NRXN1: variants seen among roughly 807,000 people sequenced by gnomAD.
The protein encoded by NRXN1 is neurexin 1.
In NRXN1, 39 loss-of-function variants were observed where a neutral mutation model predicts 150.9. The ratio of observed to expected loss-of-function variants is 0.26; its 90% CI spans 0.20 to 0.34. The LOEUF (loss-of-function observed/expected upper bound fraction) is 0.34. NRXN1 is among the 10% of genes least tolerant of loss of function. NRXN1 has a pLI of 1.00. For synonymous variants in NRXN1, 924 were observed against 757.0 expected, an observed-to-expected ratio of 1.22 and a Z score of -3.62; for missense variants, 1,815 against 1,949.9, an observed-to-expected ratio of 0.93 and a Z score of 1.30.
Position 50,447,972 on chromosome 2 carries a change from T to C in NRXN1, c.3364+17470A>G, listed in dbSNP as rs115559191. On this transcript the variant is annotated intron_variant, in intron 17 of 22. Coordinates refer to ENST00000401669, the MANE Select transcript of NRXN1 (RefSeq NM_001330078.2). Reference sequence around the variant, plus strand: ...AGCAAGTAAAGTGTATCGTAAAATATACTGTGTTCATTTATTGTGACAACT... The same window carrying C: ...AGCAAGTAAAGTGTATCGTAAAATACACTGTGTTCATTTATTGTGACAACT... Among the ~76,000 whole-genome samples, 695 of 151,754 alleles carry C rather than the reference T, an allele frequency of 4.6e-3. 2 individuals are homozygous for C. Among genetic ancestry groups the C allele is most frequent in the Non-Finnish European group, 7.2e-3 (490 of 67,960 alleles).
rs1670775186 is a variant in NRXN1, at chr2:51,027,731, C to T, written c.543G>A (p.Lys181=). The change falls in exon 2 of 23, where the codon AAG becomes AAA. Residue 181 remains lysine (K), a synonymous_variant. Coordinates refer to ENST00000401669, the MANE Select transcript of NRXN1 (RefSeq NM_001330078.2). ...LASVREREPF[K]GWIRDVRVNS... is the part of the protein sequence containing the mutation. ...TGACCCTCACGTCACGAATCCACCC[C>T]TTGAAGGGCTCCCGCTCCCTCACCG... 2.5e-6 allele frequency: 4 copies of T among 1,611,168 alleles called. No homozygotes were observed. The highest frequency in any genetic ancestry group is 1.1e-5 in the South Asian group (1 of 90,600).
At chr2:50,884,010 T>A (rs193090636) in intron 5 of NRXN1, among the ~76,000 whole-genome samples, 1 of 151,776 alleles carries the variant, frequency 6.6e-6, no homozygotes, top group Non-Finnish European at 1.5e-5. Context: ...TGCACTGAGT[T>A]TGTGAAAATT....
At chr2:50,501,152 G>A (rs2091918156) in intron 13 of NRXN1, among the ~76,000 whole-genome samples, 1 of 152,182 alleles carries the variant, frequency 6.6e-6, no homozygotes, top group African/African-American at 2.4e-5. Context: ...AGAAAGCCCT[G>A]TTAAGAATTG....
intron 18 of NRXN1, among the ~76,000 whole-genome samples, chr2:50,095,094 C>T (rs1530917): frequency 0.81 from 123,786 of 152,182 alleles, 50,846 homozygotes; most frequent in African/African-American, 0.93. Context: ...AACAATCGTG[C>T]TCCTCCCAGT....
rs1679039362 is a variant in NRXN1, at chr2:49,976,620, A to C, written c.4129-32829T>G. Among the ~76,000 whole-genome samples the C allele has an allele frequency of 2.0e-5, 3 of 152,156 alleles. No homozygotes were observed. In the South Asian group the frequency reaches 6.2e-4, roughly 32 times the overall value. The stretch of plus-strand genomic sequence containing the variant: ...AAGGACATGTGGCCTGCTTTTTTTC[A>C]TGTAAAGAAAATAGTGTAGGTGTGG... On this transcript the variant is annotated intron_variant, in intron 21 of 22. Coordinates refer to ENST00000401669, the MANE Select transcript of NRXN1 (RefSeq NM_001330078.2).
At chr2:50,134,520 G>A (rs1041022774) in intron 18 of NRXN1, among the ~76,000 whole-genome samples, 1 of 152,242 alleles carries the variant, frequency 6.6e-6, no homozygotes, top group African/African-American at 2.4e-5. Context: ...TTGGGAAGAT[G>A]TTTGATACAA....
chr2:50,552,960 C>G lies in NRXN1; in HGVS notation c.1386G>C (p.Lys462Asn). 1 of 1,613,740 alleles carries G rather than the reference C, an allele frequency of 6.2e-7. No homozygotes were observed. The highest frequency in any genetic ancestry group is 8.5e-7 in the Non-Finnish European group (1 of 1,179,736). Residue 462 changes from lysine to asparagine, a missense_variant, in exon 9 of 23, where the codon AAG (lysine) becomes AAC (asparagine). Lys to Asn is a moderately conservative substitution (Grantham distance 94). Around this residue, in one of 6 missense-constraint regions of NRXN1, gnomAD observed 638 missense variants for 652.6 expected, o/e 0.98. Coordinates refer to ENST00000401669, the MANE Select transcript of NRXN1 (RefSeq NM_001330078.2). ...LSRLAKQGDP[K>N]MKIHGVVAFK... is the part of the protein sequence containing the mutation. ...ATGCCACCACTCCATGGATCTTCAT[C>G]TTAGGATCTCCTTGCTTGGCAAGTC...
At chr2:50,922,128 G>C (rs1020149681) in intron 4 of NRXN1, among the ~76,000 whole-genome samples, 3 of 151,816 alleles carry the variant, frequency 2.0e-5, no homozygotes, top group African/African-American at 7.2e-5. Flanking sequence ...AGTTTTAAAA[G>C]ATCACACAAA....
At position 50,346,755 on chromosome 2, in the gene NRXN1, G is replaced by A; in HGVS notation, c.3365-109785C>T. On this transcript the variant is annotated intron_variant, in intron 17 of 22. Transcript: ENST00000401669. The surrounding 1 kb of genome is among the most constrained non-coding windows in gnomAD (Gnocchi z 5.0). ...CAATAGGCACTGAATGATGCTTGCT[G>A]CTGCCATGGAAATGGTGGATGTGGT... is the stretch of plus-strand genomic sequence containing the variant. 1 of 1,613,920 alleles carries A rather than the reference G, an allele frequency of 6.2e-7. No individual in the cohort carries two copies. Among genetic ancestry groups the A allele is most frequent in the Non-Finnish European group, 8.5e-7 (1 of 1,179,960 alleles).
At chr2:50,902,199 A>T (rs1403192648) in intron 5 of NRXN1, among the ~76,000 whole-genome samples, 1 of 152,208 alleles carries the variant, frequency 6.6e-6, no homozygotes, top group African/African-American at 2.4e-5. Context: ...AATATTCTTT[A>T]ACCAGGGCAA....
At chr2:50,645,582 A>C (rs1442371370) in intron 5 of NRXN1, among the ~76,000 whole-genome samples, 2 of 151,990 alleles carry the variant, frequency 1.3e-5, no homozygotes, top group Non-Finnish European at 2.9e-5. Context: ...ACTGCATCCC[A>C]GGGACTGGGA....
intron 21 of NRXN1, among the ~76,000 whole-genome samples, chr2:49,985,762 C>A (rs564642303): frequency 6.6e-6 from 1 of 152,084 alleles, no homozygotes; most frequent in Non-Finnish European, 1.5e-5. Flanking sequence ...TACTGTCATG[C>A]AAATGAGTGA....
chr2:50,905,635 T>G (rs1282459470), intron 5 of NRXN1, among the ~76,000 whole-genome samples: 1 of 152,092 alleles, frequency 6.6e-6, no homozygotes, highest in Admixed American at 6.6e-5. Context: ...GTGTCCTCTT[T>G]CCCAGTGAAT....
chr2:50,093,190 T>G (rs1416704259), intron 18 of NRXN1, among the ~76,000 whole-genome samples: 1 of 152,164 alleles, frequency 6.6e-6, no homozygotes, highest in Non-Finnish European at 1.5e-5. Context: ...TTGCTGTTTG[T>G]TTATTAGCTG....
chr2:50,930,165 G>T (rs994640696), intron 2 of NRXN1, among the ~76,000 whole-genome samples: 4 of 151,952 alleles, frequency 2.6e-5, no homozygotes, highest in Admixed American at 2.0e-4. Flanking sequence ...ACTCATCCTA[G>T]GAAATATATG....
intron 18 of NRXN1, among the ~76,000 whole-genome samples, chr2:50,124,200 G>A (rs1240026927): frequency 2.0e-5 from 3 of 152,134 alleles, no homozygotes; most frequent in African/African-American, 7.2e-5. Flanking sequence ...GATATAAAAT[G>A]CTGCTTGTAG....
chr2:50,767,854 T>C (rs1490769377), intron 5 of NRXN1, among the ~76,000 whole-genome samples: 2 of 152,076 alleles, frequency 1.3e-5, no homozygotes, highest in Admixed American at 6.6e-5. Context: ...GTAATCCTAA[T>C]TAAGGGCATT....
At chr2:50,628,145 A>G (rs1216923177) in intron 5 of NRXN1, among the ~76,000 whole-genome samples, 1 of 151,922 alleles carries the variant, frequency 6.6e-6, no homozygotes, top group East Asian at 1.9e-4. Context: ...ATAACTCAGA[A>G]TAAATCTCAA....
intron 5 of NRXN1, among the ~76,000 whole-genome samples, chr2:50,674,489 TGG>T (rs1689288079): frequency 6.6e-6 from 1 of 152,062 alleles, no homozygotes; most frequent in Admixed American, 6.6e-5. Context: ...ATAATCTCAT[TGG>T]AAGCTTACAG....
Sources: gnomAD v4.1 joint callset for allele counts (sites outside exome capture counted in the v4.1 genomes callset) on GRCh38, gnomAD v4.1.1 for gene constraint, gnomAD v4.1.1 regional missense constraint, Gnocchi (gnomAD v3.1) non-coding constraint, MANE v1.5 for transcripts, NCBI Gene and HGNC (gene_info 2026-07-23, HGNC 2026-07-21) for gene names.